ADGRL2: variants seen among roughly 807,000 people sequenced by gnomAD.
The protein encoded by ADGRL2 is adhesion G protein-coupled receptor L2.
A neutral mutation model predicts 157.4 loss-of-function variants in ADGRL2; 44 were observed. That is an observed-to-expected ratio of 0.28 (90% CI 0.22 to 0.36). The LOEUF is 0.36. Ranked by LOEUF, ADGRL2 falls within the 10% of genes least tolerant of loss-of-function variation. The pLI is 1.00. For synonymous variants in ADGRL2, 585 were observed against 624.7 expected (o/e 0.94, Z 0.95); for missense variants, 1,510 against 1,768.9 (o/e 0.85, Z 2.63).
At chr1:81,585,117 T>C (rs1265102801) in intron 3 of ADGRL2, among the ~76,000 whole-genome samples, 3 of 152,182 alleles carry the variant, frequency 2.0e-5, no homozygotes, top group African/African-American at 7.2e-5. Context: ...AGAGCTGTTT[T>C]TAGAAGTCAA....
chr1:81,752,474 C>T (rs1404654943), intron 1 of ADGRL2, among the ~76,000 whole-genome samples: 2 of 152,116 alleles, frequency 1.3e-5, no homozygotes, highest in Non-Finnish European at 2.9e-5. Flanking sequence ...GTTTCATTTC[C>T]AATGAAAACA....
At chr1:81,323,538 C>T (rs1255531989) in intron 1 of ADGRL2, among the ~76,000 whole-genome samples, 1 of 151,224 alleles carries the variant, frequency 6.6e-6, no homozygotes, top group East Asian at 1.9e-4. Context: ...TAGGCATGAG[C>T]CACTACACCC....
At chr1:81,854,413 G>T (rs2093129350) in intron 2 of ADGRL2, among the ~76,000 whole-genome samples, 1 of 152,166 alleles carries the variant, frequency 6.6e-6, no homozygotes, top group Non-Finnish European at 1.5e-5. Flanking sequence ...CTCAAAGGCA[G>T]CAACTTTTGG....
At chr1:81,896,637 C>T (rs2094394645) in intron 2 of ADGRL2, among the ~76,000 whole-genome samples, 1 of 151,830 alleles carries the variant, frequency 6.6e-6, no homozygotes, top group South Asian at 2.1e-4. Flanking sequence ...CTTTTATGTT[C>T]TTGAGTATGT....
At chr1:81,852,137 C>A (rs193205373) in intron 2 of ADGRL2, among the ~76,000 whole-genome samples, 2 of 152,086 alleles carry the variant, frequency 1.3e-5, no homozygotes, top group East Asian at 3.9e-4. Context: ...TCTAATGGTT[C>A]ATTACCACCT....
chr1:81,768,332 C>A (rs141612759), intron 2 of ADGRL2, among the ~76,000 whole-genome samples: 96 of 152,268 alleles, frequency 6.3e-4, no homozygotes, highest in African/African-American at 2.2e-3. Context: ...TGAGCTACTG[C>A]ACCTAGCTAG....
chr1:81,792,106 A>G (rs1038031726), intron 2 of ADGRL2, among the ~76,000 whole-genome samples: 4 of 152,222 alleles, frequency 2.6e-5, no homozygotes, highest in African/African-American at 9.6e-5. Context: ...CAGCACCTAG[A>G]GCACTGAATT....
rs61773204 is a variant in ADGRL2 at position 81,521,753 on chromosome 1, T to A, written c.-247-59123T>A. ...ACTTTAGTTAGGTGATTGAGGAAGG[T>A]GTCAGGCTACTGAGACATGGGAAAA... On this transcript the variant is annotated intron_variant, in intron 2 of 24. Coordinates refer to the ADGRL2 transcript ENST00000370721. 6.8e-3 allele frequency among the ~76,000 whole-genome samples: 1,039 copies of A among 152,278 alleles called. 4 individuals are homozygous for A. Among genetic ancestry groups the A allele is most frequent in the South Asian group, 0.011 (52 of 4,830 alleles).
At chr1:81,561,626 A>G (rs2080444952) in intron 2 of ADGRL2, among the ~76,000 whole-genome samples, 1 of 151,816 alleles carries the variant, frequency 6.6e-6, no homozygotes, top group Non-Finnish European at 1.5e-5. Flanking sequence ...ATGCCCGGCT[A>G]ATTTTTGTAT....
intron 3 of ADGRL2, among the ~76,000 whole-genome samples, chr1:81,668,244 G>A (rs1398989898): frequency 6.6e-6 from 1 of 151,986 alleles, no homozygotes; most frequent in Non-Finnish European, 1.5e-5. Context: ...GACCAACATG[G>A]TGAAATCTCA....
intron 3 of ADGRL2, among the ~76,000 whole-genome samples, chr1:81,661,826 TG>T (rs2082656684): frequency 1.3e-5 from 2 of 152,276 alleles, no homozygotes; most frequent in South Asian, 4.1e-4. Context: ...ATATTCTGGG[TG>T]AATGTATTGA....
chr1:81,951,313 C>T (rs1426741778), intron 8 of ADGRL2, among the ~76,000 whole-genome samples, 192 bp downstream of exon 8: 2 of 152,030 alleles, frequency 1.3e-5, no homozygotes, highest in African/African-American at 4.8e-5. Flanking sequence ...ATCCTGTTCT[C>T]TATGTTAAGC....
chr1:81,874,832 A>C (rs1224518889), intron 2 of ADGRL2, among the ~76,000 whole-genome samples: 2 of 151,530 alleles, frequency 1.3e-5, no homozygotes, highest in African/African-American at 2.4e-5. Flanking sequence ...CAGCCTCTCT[A>C]GTAGCTGTGA....
chr1:81,477,903 A>G (rs1235135910), intron 2 of ADGRL2, among the ~76,000 whole-genome samples: 1 of 152,172 alleles, frequency 6.6e-6, no homozygotes. Flanking sequence ...CTACGATGTC[A>G]TTCTGGCTGC....
chr1:81,742,777 T>C (rs2085114379), intron 1 of ADGRL2, among the ~76,000 whole-genome samples: 1 of 152,082 alleles, frequency 6.6e-6, no homozygotes, highest in Non-Finnish European at 1.5e-5. Context: ...AATATTCTAT[T>C]ATTTTTGTAT....
intron 3 of ADGRL2, among the ~76,000 whole-genome samples, chr1:81,645,396 C>CAAA (rs374061248): frequency 5.1e-4 from 48 of 94,746 alleles, no homozygotes; most frequent in East Asian, 1.2e-3. Context: ...GATCCTGTCT[C>CAAA]AAAAAAAAAA....
intron 2 of ADGRL2, among the ~76,000 whole-genome samples, chr1:81,520,479 G>A (rs529156361): frequency 1.3e-5 from 2 of 152,148 alleles, no homozygotes; most frequent in East Asian, 1.9e-4. Context: ...ACCTTGAATT[G>A]TAATCCCCAT....
At chr1:81,984,773 G>A in intron 20 of ADGRL2, 62 bp downstream of exon 20, 1 of 1,546,640 alleles carries the variant, frequency 6.5e-7, no homozygotes. Flanking sequence ...ACTGAGACAT[G>A]TTCTGTTCAG....
rs911795725 is a variant in ADGRL2 at position 81,905,345 on chromosome 1, G to A, written c.74-1672G>A. Among the ~76,000 whole-genome samples the A allele has an allele frequency of 3.3e-5, 5 of 152,014 alleles. No homozygotes were observed. In the South Asian group the frequency reaches 8.3e-4, roughly 25 times the overall value. Reference sequence around the variant, plus strand: ...TCCCCTGACGTCAGGTGATCCACCCGCCTCAGCCTCCCAAAGTGCTGGGAT... The same window carrying A: ...TCCCCTGACGTCAGGTGATCCACCCACCTCAGCCTCCCAAAGTGCTGGGAT... On this transcript the variant is annotated intron_variant, in intron 2 of 23. Coordinates refer to ENST00000686636, the MANE Select transcript of ADGRL2 (RefSeq NM_001366006.2).
Sources: allele counts gnomAD v4.1 joint callset (sites outside exome capture counted in the v4.1 genomes callset), GRCh38; gene constraint gnomAD v4.1.1; transcripts MANE v1.5; gene names NCBI Gene and HGNC (gene_info 2026-07-23, HGNC 2026-07-21).